STAB2: variants seen among roughly 807,000 people sequenced by gnomAD.
The protein encoded by STAB2 is stabilin-2.
In STAB2, 288 loss-of-function variants were observed where a neutral mutation model predicts 338.1. That is an observed-to-expected ratio of 0.85 (90% CI 0.77 to 0.94). STAB2 has a LOEUF of 0.94. Ranked by LOEUF, STAB2 falls within the 40% of genes least tolerant of loss-of-function variation. STAB2 has a pLI of 0.00. For synonymous variants in STAB2, 1,202 were observed against 1,193.3 expected (o/e 1.01, Z -0.15); for missense variants, 3,141 against 3,210.1 (o/e 0.98, Z 0.52).
intron 30 of STAB2, among the ~76,000 whole-genome samples, chr12:103,692,218 C>T (rs1259561081): frequency 6.6e-6 from 1 of 152,204 alleles, no homozygotes; most frequent in Non-Finnish European, 1.5e-5. Flanking sequence ...ACATGGCAGT[C>T]TCTGAGTGTA....
chr12:103,707,652 A>T (rs1467735541), intron 38 of STAB2, among the ~76,000 whole-genome samples: 1 of 152,212 alleles, frequency 6.6e-6, no homozygotes, highest in East Asian at 1.9e-4. Flanking sequence ...TGTGTCCAGG[A>T]ACACACAGCT....
intron 44 of STAB2, among the ~76,000 whole-genome samples, chr12:103,723,020 C>A (rs1880888707): frequency 6.6e-6 from 1 of 152,198 alleles, no homozygotes; most frequent in South Asian, 2.1e-4. Flanking sequence ...AAGGAAAGCA[C>A]AGTCCGTGAG....
chr12:103,670,784 A>G lies in STAB2; in HGVS notation c.2348A>G (p.Lys783Arg), dbSNP rs1875702134. ...SQCQFCSDPNKYGPRCNKKCL... is the reference protein window; with the variant it reads ...SQCQFCSDPNRYGPRCNKKCL... Reference sequence around the variant, plus strand: ...TGTCAGTTCTGCTCTGATCCCAATAAATACGGACCTCGGTGTAACAAAAGT... The same window carrying G: ...TGTCAGTTCTGCTCTGATCCCAATAGATACGGACCTCGGTGTAACAAAAGT... The change falls in exon 22 of 69, where the codon AAA becomes AGA. Residue 783 changes from lysine to arginine, a missense_variant. Lys to Arg is a conservative substitution (Grantham distance 26). Transcript: ENST00000388887. 17 of 1,614,036 alleles carry G rather than the reference A, an allele frequency of 1.1e-5. No homozygotes were observed. The highest frequency in any genetic ancestry group is 1.4e-5 in the Non-Finnish European group (17 of 1,179,974).
At chr12:103,638,351 A>C in intron 8 of STAB2, 139 bp downstream of exon 8, 3 of 915,658 alleles carry the variant, frequency 3.3e-6, no homozygotes, top group Non-Finnish European at 4.8e-6. Flanking sequence ...ACAGTCCTCC[A>C]TGTGCTCAGA....
At chr12:103,676,997 C>T (rs56738490) in intron 24 of STAB2, among the ~76,000 whole-genome samples, 11,422 of 152,230 alleles carry the variant, frequency 0.075, 578 homozygotes, top group East Asian at 0.18. Flanking sequence ...TCCCTCTCTC[C>T]TTCTCATTCT....
intron 22 of STAB2, among the ~76,000 whole-genome samples, chr12:103,672,028 A>C (rs1363581013): frequency 6.6e-6 from 1 of 152,202 alleles, no homozygotes; most frequent in Admixed American, 6.5e-5. Context: ...TGGTACCTAC[A>C]TTATAGTTTG....
intron 47 of STAB2, among the ~76,000 whole-genome samples, chr12:103,727,877 C>T (rs1881335775): frequency 6.6e-6 from 1 of 152,020 alleles, no homozygotes; most frequent in Non-Finnish European, 1.5e-5. Context: ...CTGCTGTGAT[C>T]CTCATTTTAC....
intron 25 of STAB2, among the ~76,000 whole-genome samples, chr12:103,681,561 C>A (rs941498396): frequency 6.6e-6 from 1 of 150,698 alleles, no homozygotes; most frequent in Non-Finnish European, 1.5e-5. Context: ...TCTGCCTTCA[C>A]GTTCAGATGT....
intron 26 of STAB2, 133 bp from the exon 27 acceptor site, chr12:103,684,856 A>G (rs1174592852): frequency 7.1e-6 from 5 of 704,944 alleles, no homozygotes; most frequent in Non-Finnish European, 1.2e-5. Context: ...TAAAGGGTCT[A>G]TGGGTTACTT....
At chr12:103,621,251 A>G (rs1337924559) in intron 4 of STAB2, among the ~76,000 whole-genome samples, 1 of 151,510 alleles carries the variant, frequency 6.6e-6, no homozygotes, top group African/African-American at 2.4e-5. Context: ...CTATTAGCAG[A>G]CAAACCTTAT....
intron 28 of STAB2, among the ~76,000 whole-genome samples, chr12:103,689,036 T>C (rs191469628): frequency 6.6e-6 from 1 of 151,876 alleles, no homozygotes; most frequent in East Asian, 1.9e-4. Context: ...TTCCTGGAGA[T>C]CCAGTTGTTA....
chr12:103,755,558 C>T, intron 62 of STAB2, 54 bp from the exon 63 acceptor site: 1 of 1,610,582 alleles, frequency 6.2e-7, no homozygotes, highest in Non-Finnish European at 8.5e-7. Flanking sequence ...AGAAGCAGTG[C>T]AGCCCTGGCC....
intron 58 of STAB2, 93 bp from the exon 59 acceptor site, chr12:103,748,870 A>C (rs1348502779): frequency 2.2e-6 from 3 of 1,339,672 alleles, no homozygotes; most frequent in African/African-American, 2.9e-5. Context: ...TACTCACCCA[A>C]CACCACTAGT....
rs184704165 is a variant in STAB2, at chr12:103,669,480, C to G, written c.2173-61C>G. 1.4e-5 allele frequency: 19 copies of G among 1,373,788 alleles called. No homozygotes were observed. In the East Asian group the frequency reaches 4.3e-4, roughly 31 times the overall value. The allele number at this position is 1,373,788 out of a possible 1,614,324, so 85.1% of individuals were successfully genotyped here. A position where few individuals can be genotyped will look rare whatever the true frequency, so the allele number is the denominator to read the frequency against. ...TAATAATGGAAATTAAAATGCATCCCCTTTGAGGAATTGGTGCTCTACTTG... is the reference window on the plus strand; with the variant it reads ...TAATAATGGAAATTAAAATGCATCCGCTTTGAGGAATTGGTGCTCTACTTG... On this transcript the variant is annotated intron_variant, in intron 20 of 68. Transcript: ENST00000388887.
At chr12:103,763,722 A>T in intron 68 of STAB2, 114 bp downstream of exon 68, 1 of 1,040,680 alleles carries the variant, frequency 9.6e-7, no homozygotes, top group South Asian at 1.6e-5. Context: ...TCTAGAATGT[A>T]TGTCAGGTAA....
At chr12:103,590,018 GTC>G (rs1956771845) in intron 1 of STAB2, among the ~76,000 whole-genome samples, 2 of 152,118 alleles carry the variant, frequency 1.3e-5, no homozygotes, top group Non-Finnish European at 2.9e-5. Flanking sequence ...CCCAAGTTTA[GTC>G]TCTCTTTGTT....
At position 103,755,689 on chromosome 12, in the gene STAB2, T is replaced by C; in HGVS notation, c.6958T>C (p.Ser2320Pro). ...TGGGAACCTGCTGCAGGTCCTGATG[T>C]CCTTCCCCTCACTCACAAACTTCCT... is the stretch of plus-strand genomic sequence containing the variant. ...CSGNLLQVLM[S>P]FPSLTNFLTE... Residue 2320 changes from serine (S) to proline (P), a missense_variant, in exon 63 of 69, where the codon TCC (serine) becomes CCC (proline). By Grantham distance (74) the Ser-to-Pro change is moderately conservative. Coordinates refer to ENST00000388887, the MANE Select transcript of STAB2 (RefSeq NM_017564.10). The C allele has an allele frequency of 6.2e-7, 1 of 1,614,162 alleles. No homozygotes were observed. Among genetic ancestry groups the C allele is most frequent in the Non-Finnish European group, 8.5e-7 (1 of 1,180,032 alleles).
chr12:103,737,044 A>G (rs1465037022), intron 52 of STAB2, among the ~76,000 whole-genome samples: 1 of 152,246 alleles, frequency 6.6e-6, no homozygotes, highest in Non-Finnish European at 1.5e-5. Context: ...AAAGCCTGTC[A>G]CTTGTACACC....
chr12:103,648,112 C>T (rs1018293254), intron 9 of STAB2, among the ~76,000 whole-genome samples: 2 of 152,074 alleles, frequency 1.3e-5, no homozygotes, highest in Non-Finnish European at 2.9e-5. Flanking sequence ...GCACTATGAT[C>T]GCTGCTATGG....
Sources: gnomAD v4.1 joint callset for allele counts (sites outside exome capture counted in the v4.1 genomes callset) on GRCh38, gnomAD v4.1.1 for gene constraint, MANE v1.5 for transcripts, NCBI Gene and HGNC (gene_info 2026-07-23, HGNC 2026-07-21) for gene names.